The following PLEKHG4B variants were observed in gnomAD, a reference collection of about 807,000 sequenced individuals.
The protein encoded by PLEKHG4B is pleckstrin homology domain-containing family G member 4B.
In PLEKHG4B, 111 loss-of-function variants were observed where a neutral mutation model predicts 121.3. That is an observed-to-expected ratio of 0.92 (90% CI 0.78 to 1.07). The LOEUF is 1.07. PLEKHG4B is among the 50% of genes least tolerant of loss of function. The probability of loss-of-function intolerance (pLI) is 0.00; values close to 1 mark genes in which losing one functional copy is unlikely to be tolerated. For missense variants in PLEKHG4B, 1,831 were observed against 1,757.8 expected, an observed-to-expected ratio of 1.04 and a Z score of -0.74; for synonymous variants, 738 against 725.0, an observed-to-expected ratio of 1.02 and a Z score of -0.29.
chr5:174,609 G>T (rs1284740504), intron 18 of PLEKHG4B, among the ~76,000 whole-genome samples: 14 of 152,180 alleles, frequency 9.2e-5, no homozygotes, highest in Non-Finnish European at 2.1e-4. Flanking sequence ...GAAGTGGGGA[G>T]GTTTAAGGGC....
intron 2 of PLEKHG4B, among the ~76,000 whole-genome samples, chr5:127,480 C>A (rs1734655993): frequency 6.6e-6 from 1 of 151,578 alleles, no homozygotes; most frequent in Admixed American, 6.6e-5. Flanking sequence ...TGGTCATTTT[C>A]TAATTTTCCT....
chr5:173,854 G>C (rs1736654051), intron 17 of PLEKHG4B, 64 bp from the exon 18 acceptor site: 6 of 1,556,874 alleles, frequency 3.9e-6, no homozygotes, highest in Non-Finnish European at 5.2e-6. Flanking sequence ...TGAGGAATTT[G>C]GGTAGCCAGT....
chr5:160,516 T>C (rs1311281152), intron 11 of PLEKHG4B, among the ~76,000 whole-genome samples: 1 of 152,254 alleles, frequency 6.6e-6, no homozygotes, highest in Non-Finnish European at 1.5e-5. Flanking sequence ...GGACATTCTC[T>C]TCACACGTTT....
rs114054232 is a variant in PLEKHG4B at position 150,654 on chromosome 5, G to A, written c.1906-859G>A. Among the ~76,000 whole-genome samples, 1,260 of 152,248 alleles carry A rather than the reference G, an allele frequency of 8.3e-3. 23 individuals are homozygous for A. Among genetic ancestry groups the A allele is most frequent in the African/African-American group, 0.029 (1,199 of 41,530 alleles). On this transcript the variant is annotated intron_variant, in intron 6 of 19. Coordinates refer to ENST00000637938, the MANE Select transcript of PLEKHG4B (RefSeq NM_052909.5). ...CTTCACTGAAGATGATACACAGATG[G>A]CAAATAAGCACATAAAAATATGCCT...
At position 156,269 on chromosome 5, in the gene PLEKHG4B, G is replaced by C; in HGVS notation, c.2348+59G>C. The C allele has an allele frequency of 2.2e-6, 3 of 1,359,636 alleles. No homozygotes were observed. Among genetic ancestry groups the C allele is most frequent in the Non-Finnish European group, 2.9e-6 (3 of 1,050,050 alleles). 84.2% of individuals were successfully genotyped at this position (1,359,636 alleles called of 1,614,324 possible). Reference sequence around the variant, plus strand: ...CCCATCGAGGGAGCTGCTCGGGGGAGTTTGCACCAGGAGGCGTAGCGCTCT... The same window carrying C: ...CCCATCGAGGGAGCTGCTCGGGGGACTTTGCACCAGGAGGCGTAGCGCTCT... On this transcript the variant is annotated intron_variant, in intron 10 of 19. Transcript: ENST00000637938. The surrounding 1 kb of genome is among the most constrained non-coding windows in gnomAD (Gnocchi z 4.4).
chr5:155,071 A>G (rs1735728385), intron 8 of PLEKHG4B, 80 bp downstream of exon 8: 1 of 1,239,046 alleles, frequency 8.1e-7, no homozygotes, highest in Admixed American at 1.7e-5. Flanking sequence ...CTAGAATTTG[A>G]AAAGGGCATC....
intron 1 of PLEKHG4B, among the ~76,000 whole-genome samples, chr5:101,233 G>A (rs982725778): frequency 2.4e-5 from 3 of 125,752 alleles, no homozygotes; most frequent in Non-Finnish European, 4.8e-5. Context: ...TCCATATAAA[G>A]CCCTGGAAAA....
At chr5:162,273 G>A (rs998477123) in intron 12 of PLEKHG4B, among the ~76,000 whole-genome samples, 24 of 70,690 alleles carry the variant, frequency 3.4e-4, no homozygotes, top group Non-Finnish European at 6.3e-4. Context: ...GAGCTCCCAC[G>A]CGCCCCAGAC....
intron 18 of PLEKHG4B, among the ~76,000 whole-genome samples, chr5:179,054 A>G (rs1736853372): frequency 6.6e-6 from 1 of 152,234 alleles, no homozygotes; most frequent in Admixed American, 6.5e-5. Context: ...CCACTGATAC[A>G]GAAGGCCAAC....
chr5:164,677 G>GACGGGGCGGGGCTC (rs1736207001), intron 13 of PLEKHG4B, among the ~76,000 whole-genome samples: 1 of 112,820 alleles, frequency 8.9e-6, no homozygotes. Context: ...CTAATACTCT[G>GACGGGGCGGGGCTC]ACAGGGGGCG....
intron 1 of PLEKHG4B, among the ~76,000 whole-genome samples, chr5:105,630 C>T (rs920128642): frequency 6.6e-6 from 1 of 152,216 alleles, no homozygotes; most frequent in Non-Finnish European, 1.5e-5. Flanking sequence ...ATTCGCTTTT[C>T]GTTTGAAGTT....
chr5:119,065 T>G (rs907150795), intron 2 of PLEKHG4B, among the ~76,000 whole-genome samples: 2 of 152,004 alleles, frequency 1.3e-5, no homozygotes, highest in Non-Finnish European at 2.9e-5. Context: ...TCAGTATGTT[T>G]CCCAGGCTGG....
At position 173,077 on chromosome 5, in the gene PLEKHG4B, G is replaced by C. The variant is rs73732942; in HGVS notation, c.4221+10G>C. ...CAAGCAGTCCTTCAAGGTAGCACCC[G>C]CCCGGTCCGATTGGGTGCAGGCCGA... is the stretch of plus-strand genomic sequence containing the variant. On this transcript the variant is annotated intron_variant, in intron 17 of 19. Coordinates refer to ENST00000637938, the MANE Select transcript of PLEKHG4B (RefSeq NM_052909.5). 3 of 1,612,862 alleles carry C rather than the reference G, an allele frequency of 1.9e-6. No individual in the cohort carries two copies. Among genetic ancestry groups the C allele is most frequent in the Non-Finnish European group, 2.5e-6 (3 of 1,179,112 alleles).
chr5:92,991 G>C (rs898124111), intron 1 of PLEKHG4B, among the ~76,000 whole-genome samples: 1 of 152,110 alleles, frequency 6.6e-6, no homozygotes, highest in Non-Finnish European at 1.5e-5. Flanking sequence ...GTTGCAAAAA[G>C]TATATTGGGT....
At chr5:93,998 G>T (rs180729289) in intron 1 of PLEKHG4B, among the ~76,000 whole-genome samples, 35 of 152,230 alleles carry the variant, frequency 2.3e-4, no homozygotes, top group Non-Finnish European at 4.9e-4. Flanking sequence ...CTCTCTTTGC[G>T]TTTGAACAAA....
At position 162,817 on chromosome 5, in the gene PLEKHG4B, G is replaced by A. The variant is rs1334753401; in HGVS notation, c.2745G>A (p.Val915=). 17 of 1,505,736 alleles carry A rather than the reference G, an allele frequency of 1.1e-5. No individual in the cohort carries two copies. The highest frequency in any genetic ancestry group is 1.4e-5 in the Non-Finnish European group (16 of 1,127,338). 93.3% of individuals were successfully genotyped at this position (1,505,736 alleles called of 1,614,324 possible). A position where few individuals can be genotyped will look rare whatever the true frequency, so the allele number is the denominator to read the frequency against. The change falls in exon 13 of 20, where the codon GTG becomes GTA. Residue 915 remains valine, a synonymous_variant. Coordinates refer to ENST00000637938, the MANE Select transcript of PLEKHG4B (RefSeq NM_052909.5). ...GCTGTCACCAGGAGGCTACCTCGGTGGCTGCAGAGGCCTTCCCCGGGGCAG... is the reference window on the plus strand; with the variant it reads ...GCTGTCACCAGGAGGCTACCTCGGTAGCTGCAGAGGCCTTCCCCGGGGCAG... ...LRSCHQEATS[V]AAEAFPGAGV...
intron 2 of PLEKHG4B, among the ~76,000 whole-genome samples, chr5:127,218 A>G (rs1034948437): frequency 3.3e-5 from 5 of 152,136 alleles, no homozygotes; most frequent in African/African-American, 1.2e-4. Flanking sequence ...CTTTGTTAGA[A>G]AAGAAAATGA....
chr5:176,984 C>A (rs1436645810), intron 18 of PLEKHG4B, among the ~76,000 whole-genome samples: 1 of 152,202 alleles, frequency 6.6e-6, no homozygotes, highest in East Asian at 1.9e-4. Flanking sequence ...CTGGCACCCC[C>A]TCCCCATTGC....
Position 171,322 on chromosome 5 carries a change from GC to G in PLEKHG4B, c.3930del (p.Ser1311AlafsTer41), listed in dbSNP as rs772900322. 67 of 1,612,434 alleles carry G rather than the reference GC, an allele frequency of 4.2e-5. No homozygotes were observed. The highest frequency in any genetic ancestry group is 5.7e-5 in the Non-Finnish European group (67 of 1,179,806). On this transcript the variant is annotated frameshift_variant, in exon 16 of 20. Coordinates refer to ENST00000637938, the MANE Select transcript of PLEKHG4B (RefSeq NM_052909.5). LOFTEE classifies it high-confidence loss of function. ...ALLLQDLLKE[A>X]SCGLAQGQEL... ...GCTACTCCAGGACCTGCTCAAGGAG[GC>G]CAGCTGTGGCCTGGCCCAGGGGCAG...
Sources: gnomAD v4.1 joint callset for allele counts (sites outside exome capture counted in the v4.1 genomes callset) on GRCh38, gnomAD v4.1.1 for gene constraint, Gnocchi (gnomAD v3.1) non-coding constraint, MANE v1.5 for transcripts, NCBI Gene and HGNC (gene_info 2026-07-23, HGNC 2026-07-21) for gene names.